The following HPR variants were observed in gnomAD, a reference collection of about 807,000 sequenced individuals.
The protein encoded by HPR is Haptoglobin-related locus.
In HPR, 17 loss-of-function variants were observed where a neutral mutation model predicts 18.5. The observed-to-expected ratio is 0.92, with a 90% CI of 0.63 to 1.38. The LOEUF (loss-of-function observed/expected upper bound fraction) is 1.38. Ranked by LOEUF, HPR falls within the 40% of genes most tolerant of loss-of-function variation. The probability of loss-of-function intolerance (pLI) is 0.00; values close to 1 mark genes in which losing one functional copy is unlikely to be tolerated. For missense variants in HPR, 457 were observed against 432.4 expected (o/e 1.06, Z -0.51); for synonymous variants, 176 against 165.0 (o/e 1.07, Z -0.51).
chr16:72,069,013 A>C (rs549678373), intron 1 of HPR, among the ~76,000 whole-genome samples: 1 of 152,298 alleles, frequency 6.6e-6, no homozygotes, highest in African/African-American at 2.4e-5. Context: ...TGAGGGAAAA[A>C]GACACAACGG....
Position 72,076,640 on chromosome 16 carries a change from G to C in HPR, c.606G>C (p.Glu202Asp). ...IKLKQKVLVNERVMPICLPSK... is the reference protein window; with the variant it reads ...IKLKQKVLVNDRVMPICLPSK... The stretch of plus-strand genomic sequence containing the variant: ...TCAAACAGAAGGTGCTTGTTAATGA[G>C]AGAGTGATGCCCATCTGCCTACCTT... The change falls in exon 5 of 5, where the codon GAG becomes GAC. Residue 202 changes from glutamate (E) to aspartate (D), a missense_variant. Transcript: ENST00000540303. 2 of 1,614,206 alleles carry C rather than the reference G, an allele frequency of 1.2e-6. No homozygotes were observed. Among genetic ancestry groups the C allele is most frequent in the Non-Finnish European group, 1.7e-6 (2 of 1,180,038 alleles).
chr16:72,075,185 G>A lies in HPR; in HGVS notation c.234G>A (p.Lys78=). 2.0e-6 allele frequency: 3 copies of A among 1,470,858 alleles called. No homozygotes were observed. The highest frequency in any genetic ancestry group is 2.4e-5 in the South Asian group (2 of 83,838). The allele number at this position is 1,470,858 out of a possible 1,614,324, so 91.1% of individuals were successfully genotyped here. A position where few individuals can be genotyped will look rare whatever the true frequency, so the allele number is the denominator to read the frequency against. The part of the protein sequence containing the change: ...TLNDKKQWIN[K]AVGDKLPECE... ...ATGATAAGAAGCAGTGGATAAATAA[G>A]GCTGTTGGAGATAAACTTCCTGAAT... Residue 78 remains lysine, a synonymous_variant, in exon 4 of 5, where the codon AAG becomes AAA. Coordinates refer to ENST00000540303, the MANE Select transcript of HPR (RefSeq NM_020995.4).
chr16:72,063,515 G>C (rs192130167), intron 1 of HPR, among the ~76,000 whole-genome samples: 2 of 152,090 alleles, frequency 1.3e-5, no homozygotes, highest in East Asian at 1.9e-4. Context: ...GTCTTTGTAG[G>C]GTATGTCATC....
At position 72,073,892 on chromosome 16, in the gene HPR, T is replaced by C; in HGVS notation, c.6T>C (p.Ser2=). ...GCTCCTTCTTGTTTTCTCTCTGCAG[T>C]GACCTGGGAGCTGTCATTTCCCTCC... M[S]DLGAVISLLL... Residue 2 remains serine, a splice_region_variant and synonymous_variant, in exon 2 of 5, where the codon AGT becomes AGC. Transcript: ENST00000540303. 7.4e-6 allele frequency: 12 copies of C among 1,614,036 alleles called. No individual in the cohort carries two copies. The highest frequency in any genetic ancestry group is 1.0e-5 in the Non-Finnish European group (12 of 1,179,990).
intron 1 of HPR, among the ~76,000 whole-genome samples, chr16:72,071,414 G>A (rs552198688): frequency 1.6e-4 from 24 of 152,238 alleles, no homozygotes; most frequent in African/African-American, 3.1e-4. Context: ...CTAACTGACC[G>A]GGCATAAGCT....
chr16:72,074,458 G>C (rs2041695727), intron 3 of HPR, 73 bp downstream of exon 3: 2 of 1,315,672 alleles, frequency 1.5e-6, no homozygotes, highest in Non-Finnish European at 2.2e-6. Flanking sequence ...GGGTGGTGCT[G>C]AGGTGATTTG....
At chr16:72,073,631 C>A in intron 1 of HPR, 1 of 1,281,830 alleles carries the variant, frequency 7.8e-7, no homozygotes, top group Non-Finnish European at 1.0e-6. Context: ...GAATTCCCAG[C>A]AAGACAGAGC....
chr16:72,075,101 A>G (rs1482825138), intron 3 of HPR, 44 bp from the exon 4 acceptor site: 5 of 736,134 alleles, frequency 6.8e-6, no homozygotes, highest in Non-Finnish European at 2.5e-6. Context: ...CTCTGGGTGC[A>G]GACTTGACTT....
chr16:72,074,002 C>G, intron 2 of HPR, 25 bp downstream of exon 2: 2 of 1,613,786 alleles, frequency 1.2e-6, no homozygotes, highest in Non-Finnish European at 1.7e-6. Context: ...TGGGTAGGAG[C>G]ATGCATCCCT....
At chr16:72,066,759 A>G (rs2041602546) in intron 1 of HPR, among the ~76,000 whole-genome samples, 1 of 152,206 alleles carries the variant, frequency 6.6e-6, no homozygotes, top group East Asian at 1.9e-4. Context: ...AGGACTGAGA[A>G]AACCGACCTC....
At chr16:72,076,078 T>G (rs902318704) in intron 4 of HPR, among the ~76,000 whole-genome samples, 1 of 152,220 alleles carries the variant, frequency 6.6e-6, no homozygotes, top group Admixed American at 6.5e-5. Flanking sequence ...AAACTCAGTA[T>G]TTCTCATTTC....
intron 1 of HPR, among the ~76,000 whole-genome samples, chr16:72,071,423 C>A (rs2041654326): frequency 6.6e-6 from 1 of 152,190 alleles, no homozygotes; most frequent in Admixed American, 6.5e-5. Flanking sequence ...CGGGCATAAG[C>A]TGTATGGTAG....
At chr16:72,071,357 C>T (rs1192697978) in intron 1 of HPR, among the ~76,000 whole-genome samples, 3 of 152,182 alleles carry the variant, frequency 2.0e-5, no homozygotes, top group Admixed American at 1.3e-4. Context: ...CTTGTGCTCA[C>T]GGTAGACCAG....
In HPR at chr16:72,076,384, G is replaced by A. The variant is rs531532112; in HGVS notation, c.350G>A (p.Trp117Ter). The A allele has an allele frequency of 1.7e-5, 27 of 1,614,150 alleles. No individual in the cohort carries two copies. The East Asian group carries it at 6.0e-4, about 36-fold the overall frequency. ...GHLDAKGSFP[W>*]QAKMVSHHNL... ...CTGGATGCCAAAGGCAGCTTTCCCT[G>A]GCAGGCTAAGATGGTTTCCCACCAT... The change falls in exon 5 of 5, where the codon TGG (tryptophan) becomes TAG (stop). Residue 117 changes from tryptophan (W) to a stop codon, truncating the protein, a stop_gained. Transcript: ENST00000540303. LOFTEE classifies it low-confidence loss of function (END_TRUNC).
At chr16:72,066,386 A>C (rs1466866167) in intron 1 of HPR, among the ~76,000 whole-genome samples, 3 of 152,066 alleles carry the variant, frequency 2.0e-5, no homozygotes, top group Non-Finnish European at 4.4e-5. Flanking sequence ...CTGCTATGGC[A>C]ATTTGGGAAC....
At chr16:72,063,853 C>T (rs1372429675) in intron 1 of HPR, among the ~76,000 whole-genome samples, 4 of 152,086 alleles carry the variant, frequency 2.6e-5, no homozygotes, top group Non-Finnish European at 1.5e-5. Flanking sequence ...AGCAATTCTC[C>T]TGCCTCAGCC....
intron 1 of HPR, 127 bp from the exon 2 acceptor site, chr16:72,073,765 A>AGT (rs767417182): frequency 3.2e-6 from 5 of 1,582,932 alleles, no homozygotes; most frequent in Non-Finnish European, 2.6e-6. Context: ...TAGTGGGAGG[A>AGT]GTGTGTGTGT....
chr16:72,074,716 C>G (rs1477976397), intron 3 of HPR: 1 of 705,502 alleles, frequency 1.4e-6, no homozygotes, highest in South Asian at 1.5e-5. Flanking sequence ...GTCTTGCTGT[C>G]CTGGCACTGC....
At chr16:72,073,814 G>T in intron 1 of HPR, 78 bp from the exon 2 acceptor site, 1 of 1,607,712 alleles carries the variant, frequency 6.2e-7, no homozygotes. Context: ...GTGTGTACAT[G>T]CCTGTGTGTG....
Sources: gnomAD v4.1 joint callset for allele counts (sites outside exome capture counted in the v4.1 genomes callset) on GRCh38, gnomAD v4.1.1 for gene constraint, MANE v1.5 for transcripts, NCBI Gene and HGNC (gene_info 2026-07-23, HGNC 2026-07-21) for gene names.